The following RBM28 variants were observed in gnomAD, a reference collection of about 807,000 sequenced individuals.
The protein encoded by RBM28 is RNA-binding protein 28.
In RBM28, 78 loss-of-function variants were observed where a neutral mutation model predicts 98.3. The observed-to-expected ratio is 0.79, with a 90% CI of 0.66 to 0.96. The LOEUF (loss-of-function observed/expected upper bound fraction) is 0.96, where lower values mean the gene tolerates loss of function less well. Among genes scored for constraint, RBM28 ranks in the 40% least tolerant of loss-of-function variants. RBM28 has a pLI of 0.00. For missense variants in RBM28, 838 were observed against 913.0 expected (o/e 0.92, Z 1.06); for synonymous variants, 306 against 330.9 (o/e 0.92, Z 0.82).
intron 9 of RBM28, among the ~76,000 whole-genome samples, chr7:128,332,796 T>A (rs1329056057): frequency 6.6e-6 from 1 of 152,208 alleles, no homozygotes; most frequent in Non-Finnish European, 1.5e-5. Flanking sequence ...AGCAGCAATC[T>A]ATTGCAGTCA....
intron 4 of RBM28, 64 bp downstream of exon 4, chr7:128,338,661 AT>A: frequency 1.7e-6 from 2 of 1,163,616 alleles, no homozygotes; most frequent in Middle Eastern, 1.9e-4. Flanking sequence ...TATATATCAT[AT>A]ATGTTTGTTC....
chr7:128,338,158 C>T, intron 5 of RBM28, 92 bp downstream of exon 5: 1 of 920,694 alleles, frequency 1.1e-6, no homozygotes, highest in Non-Finnish European at 1.8e-6. Flanking sequence ...ATAATGCAAA[C>T]ATCTTTTGAA....
intron 1 of RBM28, chr7:128,341,134 G>A: frequency 7.8e-7 from 1 of 1,286,808 alleles, no homozygotes. Context: ...AGGACACATA[G>A]TTCATATGCT....
chr7:128,325,869 C>G lies in RBM28; in HGVS notation c.1152G>C (p.Met384Ile). The change falls in exon 11 of 19, where the codon ATG becomes ATC. Residue 384 changes from methionine (M) to isoleucine (I), a missense_variant. Transcript: ENST00000223073. ...GGCATTTCTGAGCTGCTTCTTGAGT[C>G]ATGAACTGGGCAAATGCACAACCTG... ...HSKGCAFAQF[M>I]TQEAAQKCLL... 3 of 1,613,774 alleles carry G rather than the reference C, an allele frequency of 1.9e-6. No homozygotes were observed. In the South Asian group the frequency reaches 3.3e-5, roughly 18 times the overall value.
chr7:128,324,442 TAA>T lies in RBM28; in HGVS notation c.1339+115_1339+116del. On this transcript the variant is annotated intron_variant, in intron 12 of 18. Coordinates refer to ENST00000223073, the MANE Select transcript of RBM28 (RefSeq NM_018077.3). ...AAGTGGAATGATCATATAACACTGT[TAA>T]AGAGAACATTTGGGTTTTTAATTTG... is the stretch of plus-strand genomic sequence containing the variant. 3 of 1,428,394 alleles carry T rather than the reference TAA, an allele frequency of 2.1e-6. No individual in the cohort carries two copies. In the South Asian group the frequency reaches 3.5e-5, roughly 16 times the overall value. 88.5% of individuals were successfully genotyped at this position (1,428,394 alleles called of 1,614,324 possible). A position where few individuals can be genotyped will look rare whatever the true frequency, so the allele number is the denominator to read the frequency against.
intron 13 of RBM28, among the ~76,000 whole-genome samples, chr7:128,321,719 A>G (rs1796239964): frequency 6.6e-6 from 1 of 152,180 alleles, no homozygotes; most frequent in Non-Finnish European, 1.5e-5. Context: ...GAAACAGTAG[A>G]TCAAGGTCTC....
In RBM28 at chr7:128,303,304, G is replaced by C. The variant is rs372758660; in HGVS notation, c.*7493C>G. On this transcript the variant is annotated 3_prime_UTR_variant, in exon 19 of 19. Transcript: ENST00000223073. ...AGCTCAGGTGGCCAAGGGGTTTCAG[G>C]AGAGGGTCTGGACTTCCCCACATCC... is the stretch of plus-strand genomic sequence containing the variant. The C allele has an allele frequency of 1.3e-5, 2 of 152,280 alleles. No homozygotes were observed. Among genetic ancestry groups the C allele is most frequent in the East Asian group, 3.9e-4 (2 of 5,194 alleles). The allele number at this position is 152,280 out of a possible 1,614,324, so 9.4% of individuals were successfully genotyped here.
chr7:128,315,101 G>A (rs1162470069), intron 16 of RBM28, 81 bp from the exon 17 acceptor site: 2 of 1,573,016 alleles, frequency 1.3e-6, no homozygotes, highest in Non-Finnish European at 1.7e-6. Flanking sequence ...TGAGCTTTAT[G>A]TGAGCTAGAT....
Position 128,324,545 on chromosome 7 carries a change from A to G in RBM28, c.1339+14T>C, listed in dbSNP as rs1796303509. On this transcript the variant is annotated intron_variant, in intron 12 of 18. Coordinates refer to ENST00000223073, the MANE Select transcript of RBM28 (RefSeq NM_018077.3). ...CCAGGTACTTAGAAGTGTGGGTTAC[A>G]TCTCCCTACTCACAGCCTTCTCGGG... is the stretch of plus-strand genomic sequence containing the variant. 6.2e-7 allele frequency: 1 copy of G among 1,614,056 alleles called. No homozygotes were observed. Among genetic ancestry groups the G allele is most frequent in the Non-Finnish European group, 8.5e-7 (1 of 1,180,036 alleles).
Position 128,321,350 on chromosome 7 carries a change from AT to A in RBM28, c.1478del (p.Asn493IlefsTer6). 1 of 1,614,144 alleles carries A rather than the reference AT, an allele frequency of 6.2e-7. No homozygotes were observed. The highest frequency in any genetic ancestry group is 8.5e-7 in the Non-Finnish European group (1 of 1,180,022). On this transcript the variant is annotated frameshift_variant, in exon 14 of 19. Transcript: ENST00000223073. LOFTEE classifies it high-confidence loss of function. ...FVSRTRLCLH[N>X]LPKAVDDKQL... ...GTTTGTCATCTACAGCCTTTGGGAGATTGTGCAGGCAGAGCCTGGTTCGGGA... is the reference window on the plus strand; with the variant it reads ...GTTTGTCATCTACAGCCTTTGGGAGATGTGCAGGCAGAGCCTGGTTCGGGA...
chr7:128,324,461 T>C, intron 12 of RBM28, 98 bp downstream of exon 12: 1 of 1,562,690 alleles, frequency 6.4e-7, no homozygotes, highest in Middle Eastern at 1.7e-4. Flanking sequence ...CATTTGGGTT[T>C]TTAATTTGAA....
In RBM28 at chr7:128,335,531, A is replaced by G. The variant is rs755147919; in HGVS notation, c.946+12T>C. The G allele has an allele frequency of 1.1e-5, 17 of 1,614,066 alleles. No homozygotes were observed. The East Asian group carries it at 3.8e-4, about 36-fold the overall frequency. The stretch of plus-strand genomic sequence containing the variant: ...TTAAAGTCTAAAGACATTTATGAAA[A>G]TCCAAACAAACCTTTATCCTCTTGC... On this transcript the variant is annotated intron_variant, in intron 8 of 18. Coordinates refer to ENST00000223073, the MANE Select transcript of RBM28 (RefSeq NM_018077.3).
At chr7:128,318,164 T>C in intron 14 of RBM28, 58 bp from the exon 15 acceptor site, 6 of 1,503,742 alleles carry the variant, frequency 4.0e-6, no homozygotes, top group Non-Finnish European at 5.5e-6. Context: ...TTGCCTGACA[T>C]GAACTGCTTT....
rs992190274 is a variant in RBM28, at chr7:128,298,560, C to T, written c.*12237G>A. On this transcript the variant is annotated 3_prime_UTR_variant, in exon 19 of 19. Coordinates refer to ENST00000223073, the MANE Select transcript of RBM28 (RefSeq NM_018077.3). Reference sequence around the variant, plus strand: ...ATTTTTACAATCAGAAAAAAATGAACGGATTTATTTTCAAATGCCCCCCAT... The same window carrying T: ...ATTTTTACAATCAGAAAAAAATGAATGGATTTATTTTCAAATGCCCCCCAT... 4.3e-5 allele frequency: 4 copies of T among 93,518 alleles called. No individual in the cohort carries two copies. Among genetic ancestry groups the T allele is most frequent in the Non-Finnish European group, 7.3e-5 (3 of 40,868 alleles). The allele number at this position is 93,518 out of a possible 1,614,324, so 5.8% of individuals were successfully genotyped here.
At chr7:128,337,318 A>T in intron 5 of RBM28, 116 bp from the exon 6 acceptor site, 1 of 958,124 alleles carries the variant, frequency 1.0e-6, no homozygotes, top group Non-Finnish European at 1.7e-6. Context: ...GAAACTGCCA[A>T]TTCAGGGAAT....
Position 128,329,701 on chromosome 7 carries a change from C to T in RBM28, c.1129+1118G>A, listed in dbSNP as rs149101130. ...GAGTTGGAGACCATCCTGGCTAACA[C>T]GGTGAAGCCCCAACTCTACTAAAAA... is the stretch of plus-strand genomic sequence containing the variant. On this transcript the variant is annotated intron_variant, in intron 10 of 18. Transcript: ENST00000223073. Among the ~76,000 whole-genome samples the T allele has an allele frequency of 3.9e-5, 6 of 152,086 alleles. No individual in the cohort carries two copies. The East Asian group carries it at 7.8e-4, about 20-fold the overall frequency.
intron 9 of RBM28, among the ~76,000 whole-genome samples, chr7:128,331,297 G>C (rs953699621): frequency 6.8e-6 from 1 of 146,972 alleles, no homozygotes; most frequent in African/African-American, 2.5e-5. Context: ...TATATGCTTA[G>C]ATTAATGTAC....
chr7:128,306,744 T>C lies in RBM28; in HGVS notation c.*4053A>G, dbSNP rs1795874821. 1 of 152,386 alleles carries C rather than the reference T, an allele frequency of 6.6e-6. No homozygotes were observed. Among genetic ancestry groups the C allele is most frequent in the Non-Finnish European group, 1.5e-5 (1 of 68,176 alleles). The allele number at this position is 152,386 out of a possible 1,614,324, so 9.4% of individuals were successfully genotyped here. On this transcript the variant is annotated 3_prime_UTR_variant, in exon 19 of 19. Transcript: ENST00000223073. ...AGGTCTTTCAGTAACTCAGCAGTTCTCTTCTCAGAATTAGTTCCCAGTCTG... is the reference window on the plus strand; with the variant it reads ...AGGTCTTTCAGTAACTCAGCAGTTCCCTTCTCAGAATTAGTTCCCAGTCTG...
rs1796656806 is a variant in RBM28 at position 128,338,723 on chromosome 7, T to C, written c.448+3A>G. 6 of 1,573,082 alleles carry C rather than the reference T, an allele frequency of 3.8e-6. No individual in the cohort carries two copies. Among genetic ancestry groups the C allele is most frequent in the Non-Finnish European group, 5.3e-6 (6 of 1,142,628 alleles). On this transcript the variant is annotated splice_donor_region_variant and intron_variant, in intron 4 of 18. Coordinates refer to ENST00000223073, the MANE Select transcript of RBM28 (RefSeq NM_018077.3). ...TCCACACCAAGTGAAGGTTTATTAG[T>C]ACCTGGTTTCCTAGGGATATTTACT...
Sources: allele counts gnomAD v4.1 joint callset (sites outside exome capture counted in the v4.1 genomes callset), GRCh38; gene constraint gnomAD v4.1.1; transcripts MANE v1.5; gene names NCBI Gene and HGNC (gene_info 2026-07-23, HGNC 2026-07-21).